The following FBXW7 variants were observed in gnomAD, a reference collection of about 807,000 sequenced individuals.
FBXW7 encodes the protein F-box and WD repeat domain containing 7, also known as F-box/WD repeat-containing protein 7.
FBXW7 carries 11 observed loss-of-function variants against 86.3 expected under a neutral mutation model. The observed-to-expected ratio is 0.13, with a 90% CI of 0.08 to 0.21. The LOEUF (loss-of-function observed/expected upper bound fraction) is 0.21. Ranked by LOEUF, FBXW7 falls within the 10% of genes least tolerant of loss-of-function variation. The pLI is 1.00. For synonymous variants in FBXW7, 313 were observed against 297.9 expected (o/e 1.05, Z -0.52); for missense variants, 488 against 847.4 (o/e 0.58, Z 5.27).
chr4:152,352,322 A>C, intron 4 of FBXW7: 1 of 819,126 alleles, frequency 1.2e-6, no homozygotes, highest in Non-Finnish European at 1.9e-6. Context: ...TTATTTGCTT[A>C]CATTCATGAT....
At chr4:152,393,873 G>C (rs1019947747) in intron 4 of FBXW7, among the ~76,000 whole-genome samples, 3 of 152,024 alleles carry the variant, frequency 2.0e-5, no homozygotes, top group African/African-American at 7.2e-5. Context: ...GAATAAAACA[G>C]ACCCTTTTCT....
Position 152,324,348 on chromosome 4 carries a change from C to T in FBXW7, c.1691G>A (p.Arg564His), listed in dbSNP as rs1304288466. Reference sequence around the variant, plus strand: ...ATTCCCTGTCTCCACATCCCAAACACGGATTGATGTATCAAGAGATCCACT... The same window carrying T: ...ATTCCCTGTCTCCACATCCCAAACATGGATTGATGTATCAAGAGATCCACT... ...VVSGSLDTSI[R>H]VWDVETGNCI... The change falls in exon 13 of 14, where the codon CGT (arginine) becomes CAT (histidine). Residue 564 changes from arginine to histidine, a missense_variant. By Grantham distance (29) the Arg-to-His change is conservative. This residue lies in a region of FBXW7 where 142 missense variants were observed against 406.6 expected (regional missense o/e 0.35). Transcript: ENST00000281708. The T allele has an allele frequency of 6.2e-7, 1 of 1,610,434 alleles. No homozygotes were observed. The highest frequency in any genetic ancestry group is 1.7e-5 in the Admixed American group (1 of 59,564).
chr4:152,341,242 C>T (rs1280214097), intron 6 of FBXW7, among the ~76,000 whole-genome samples: 1 of 152,214 alleles, frequency 6.6e-6, no homozygotes, highest in East Asian at 1.9e-4. Flanking sequence ...CTACAACACA[C>T]TACTTTCCCA....
chr4:152,490,190 T>C (rs149728440), intron 2 of FBXW7, among the ~76,000 whole-genome samples: 10 of 152,204 alleles, frequency 6.6e-5, no homozygotes, highest in African/African-American at 2.4e-4. Context: ...TGGGAGTTAT[T>C]GTTTAATGGG....
At chr4:152,441,663 C>G (rs1579208990) in intron 2 of FBXW7, among the ~76,000 whole-genome samples, 1 of 152,172 alleles carries the variant, frequency 6.6e-6, no homozygotes, top group South Asian at 2.1e-4. Context: ...GCAATTATTT[C>G]CAATCTTTAT....
intron 2 of FBXW7, among the ~76,000 whole-genome samples, chr4:152,461,612 G>A (rs1462840367): frequency 6.6e-6 from 1 of 152,018 alleles, no homozygotes; most frequent in Non-Finnish European, 1.5e-5. Context: ...TCCAATATCT[G>A]GCTATACTTG....
chr4:152,416,215 A>T (rs1042478242), intron 2 of FBXW7, among the ~76,000 whole-genome samples: 1 of 152,198 alleles, frequency 6.6e-6, no homozygotes, highest in Non-Finnish European at 1.5e-5. Flanking sequence ...TTTTAAAGAC[A>T]ATCATGTACT....
At chr4:152,494,857 TA>T (rs1746176455) in intron 2 of FBXW7, among the ~76,000 whole-genome samples, 1 of 152,166 alleles carries the variant, frequency 6.6e-6, no homozygotes, top group Non-Finnish European at 1.5e-5. Context: ...TTTCTTATAA[TA>T]ATCTATAAGA....
intron 4 of FBXW7, among the ~76,000 whole-genome samples, chr4:152,399,916 A>G (rs141726774): frequency 6.6e-6 from 1 of 152,334 alleles, no homozygotes; most frequent in East Asian, 1.9e-4. Context: ...AATACCAATC[A>G]AAATCCCAGC....
In FBXW7 at chr4:152,411,790, A is replaced by G. The variant is rs2126883076; in HGVS notation, c.14T>C (p.Leu5Pro). 6.2e-7 allele frequency: 1 copy of G among 1,608,532 alleles called. No homozygotes were observed. Among genetic ancestry groups the G allele is most frequent in the Non-Finnish European group, 8.5e-7 (1 of 1,176,896 alleles). MNQE[L>P]LSVGSKRRRT... ...TCGTCTTTTGCTGCCCACAGAGAGC[A>G]GTTCCTGATTCATTTCCAAAAGCCA... Residue 5 changes from leucine to proline, a missense_variant, in exon 4 of 14, where the codon CTG becomes CCG. Around this residue, in one of 4 missense-constraint regions of FBXW7, gnomAD observed 230 missense variants for 240.0 expected, o/e 0.96. Coordinates refer to ENST00000281708, the MANE Select transcript of FBXW7 (RefSeq NM_001349798.2).
chr4:152,440,734 TAC>T (rs1740815244), intron 2 of FBXW7, among the ~76,000 whole-genome samples: 1 of 152,084 alleles, frequency 6.6e-6, no homozygotes, highest in Non-Finnish European at 1.5e-5. Flanking sequence ...ACAGAACAAG[TAC>T]ACCCATCTAG....
chr4:152,428,152 A>C (rs1023489183), intron 2 of FBXW7, among the ~76,000 whole-genome samples: 1 of 152,188 alleles, frequency 6.6e-6, no homozygotes, highest in Non-Finnish European at 1.5e-5. Context: ...GGTAACCCTA[A>C]TGACTGCTGG....
intron 2 of FBXW7, among the ~76,000 whole-genome samples, chr4:152,467,212 T>C (rs1328263807): frequency 2.0e-5 from 3 of 152,298 alleles, no homozygotes; most frequent in Admixed American, 2.0e-4. Context: ...ATCATGGGGA[T>C]GATGACCTCC....
intron 2 of FBXW7, among the ~76,000 whole-genome samples, chr4:152,467,855 C>T (rs1375764074): frequency 6.6e-6 from 1 of 151,964 alleles, no homozygotes; most frequent in Non-Finnish European, 1.5e-5. Context: ...TCAAAGGACA[C>T]CATCATAAAA....
chr4:152,373,109 C>T (rs181108561), intron 4 of FBXW7, among the ~76,000 whole-genome samples: 13 of 152,074 alleles, frequency 8.5e-5, no homozygotes, highest in Admixed American at 2.0e-4. Flanking sequence ...ACTCCAGATC[C>T]GTTTCCTGCA....
At chr4:152,464,519 A>G (rs1031519796) in intron 2 of FBXW7, among the ~76,000 whole-genome samples, 4 of 152,208 alleles carry the variant, frequency 2.6e-5, no homozygotes, top group African/African-American at 9.6e-5. Context: ...TGCAGAATGA[A>G]ACAGATCAAA....
intron 2 of FBXW7, among the ~76,000 whole-genome samples, chr4:152,506,952 A>G (rs1747478674): frequency 6.6e-6 from 1 of 152,250 alleles, no homozygotes; most frequent in Non-Finnish European, 1.5e-5. Context: ...AATTCTGTGA[A>G]GCCAAAACAA....
At chr4:152,400,647 G>A (rs983836039) in intron 4 of FBXW7, among the ~76,000 whole-genome samples, 3 of 151,926 alleles carry the variant, frequency 2.0e-5, no homozygotes, top group Non-Finnish European at 4.4e-5. Context: ...GCACCCAGCC[G>A]GAAATGACAT....
At chr4:152,466,835 G>A (rs35142925) in intron 2 of FBXW7, among the ~76,000 whole-genome samples, 26 of 152,104 alleles carry the variant, frequency 1.7e-4, no homozygotes, top group Admixed American at 1.2e-3. Context: ...CCAGCTACTC[G>A]GGAGGCTGAG....
Sources: gnomAD v4.1 joint callset for allele counts (sites outside exome capture counted in the v4.1 genomes callset) on GRCh38, gnomAD v4.1.1 for gene constraint, gnomAD v4.1.1 regional missense constraint, MANE v1.5 for transcripts, NCBI Gene and HGNC (gene_info 2026-07-23, HGNC 2026-07-21) for gene names.